Variants in VPS13B observed in about 807,000 individuals in gnomAD.
VPS13B encodes the protein vacuolar protein sorting 13 homolog B.
VPS13B carries 285 observed loss-of-function variants against 426.4 expected under a neutral mutation model. The observed-to-expected ratio is 0.67, with a 90% CI of 0.61 to 0.74. VPS13B has a LOEUF of 0.74. Among genes scored for constraint, VPS13B ranks in the 30% least tolerant of loss-of-function variants. VPS13B has a pLI of 0.00. For missense variants in VPS13B, 4,537 were observed against 4,782.6 expected, an observed-to-expected ratio of 0.95 and a Z score of 1.51; for synonymous variants, 1,676 against 1,676.4, an observed-to-expected ratio of 1.00 and a Z score of 0.01.
intron 30 of VPS13B, among the ~76,000 whole-genome samples, chr8:99,549,245 T>G (rs1330118313): frequency 2.0e-5 from 3 of 152,162 alleles, no homozygotes; most frequent in Admixed American, 6.6e-5. Context: ...ACAGATCAAA[T>G]TAGAAAATGT....
chr8:99,116,718 G>T (rs773980555), intron 7 of VPS13B, among the ~76,000 whole-genome samples: 1 of 152,162 alleles, frequency 6.6e-6, no homozygotes, highest in African/African-American at 2.4e-5. Context: ...ACAGGCATGA[G>T]CCACCATGCC....
chr8:99,710,145 G>C (rs1355519293), intron 36 of VPS13B, among the ~76,000 whole-genome samples: 1 of 152,136 alleles, frequency 6.6e-6, no homozygotes, highest in Non-Finnish European at 1.5e-5. Flanking sequence ...AAAATGTACA[G>C]GGTAATTCAT....
At chr8:99,257,698 C>T (rs1057188466) in intron 17 of VPS13B, among the ~76,000 whole-genome samples, 10 of 151,940 alleles carry the variant, frequency 6.6e-5, no homozygotes, top group African/African-American at 2.4e-4. Flanking sequence ...ACTGATTTCT[C>T]TTATTGTGTT....
At chr8:99,460,445 A>G (rs1818763224) in intron 23 of VPS13B, among the ~76,000 whole-genome samples, 1 of 152,134 alleles carries the variant, frequency 6.6e-6, no homozygotes, top group South Asian at 2.1e-4. Context: ...TGTTATAATT[A>G]TTGTTGTATA....
Position 99,834,543 on chromosome 8 carries a change from T to TA in VPS13B, c.9615-654_9615-653insA, listed in dbSNP as rs374047565. 3.5e-3 allele frequency among the ~76,000 whole-genome samples: 496 copies of TA among 142,526 alleles called. 4 individuals are homozygous for TA. Among genetic ancestry groups the TA allele is most frequent in the Non-Finnish European group, 3.1e-3 (193 of 62,454 alleles). 93.5% of individuals were successfully genotyped at this position (142,526 alleles called of 152,430 possible). On this transcript the variant is annotated intron_variant, in intron 52 of 61. Transcript: ENST00000357162. Reference sequence around the variant, plus strand: ...AGAAGGTCAGCTCTTATTTTTATTTTTTATTTTTTTTGATACAGGGTCTTG... The same window carrying TA: ...AGAAGGTCAGCTCTTATTTTTATTTTATTATTTTTTTTGATACAGGGTCTTG...
intron 16 of VPS13B, among the ~76,000 whole-genome samples, chr8:99,175,544 G>A (rs1311075879): frequency 6.6e-6 from 1 of 152,110 alleles, no homozygotes; most frequent in Non-Finnish European, 1.5e-5. Flanking sequence ...CGCTTTGGGA[G>A]GCCAAGGTGT....
At chr8:99,544,547 TTGCTTAG>T (rs1450025617) in intron 30 of VPS13B, among the ~76,000 whole-genome samples, 22 of 152,334 alleles carry the variant, frequency 1.4e-4, no homozygotes, top group African/African-American at 5.1e-4. Context: ...TTTGAAATGA[TTGCTTAG>T]TGCTTAGTCT....
chr8:99,574,556 A>G (rs1159353713), intron 31 of VPS13B, among the ~76,000 whole-genome samples: 1 of 152,214 alleles, frequency 6.6e-6, no homozygotes, highest in Middle Eastern at 3.2e-3. Context: ...CTATTGAGAT[A>G]ATCACGTGGT....
intron 19 of VPS13B, among the ~76,000 whole-genome samples, chr8:99,363,037 G>A (rs944627327): frequency 2.0e-5 from 3 of 152,078 alleles, no homozygotes; most frequent in African/African-American, 4.8e-5. Flanking sequence ...CCCCTTTGTC[G>A]ATTTTTGCTT....
At chr8:99,058,768 A>C (rs938131521) in intron 3 of VPS13B, among the ~76,000 whole-genome samples, 3 of 152,144 alleles carry the variant, frequency 2.0e-5, no homozygotes, top group Non-Finnish European at 4.4e-5. Flanking sequence ...GTGGCATTGG[A>C]GAGGTGGTGA....
chr8:99,539,295 A>G (rs1387407561), intron 30 of VPS13B, among the ~76,000 whole-genome samples: 1 of 152,232 alleles, frequency 6.6e-6, no homozygotes, highest in East Asian at 1.9e-4. Flanking sequence ...AAATATAGAT[A>G]TACAACATGT....
At chr8:99,791,571 AAC>A (rs1182740050) in intron 43 of VPS13B, among the ~76,000 whole-genome samples, 1 of 152,126 alleles carries the variant, frequency 6.6e-6, no homozygotes, top group Non-Finnish European at 1.5e-5. Flanking sequence ...TGAGAATACA[AAC>A]AGAGACTACT....
chr8:99,805,705 A>T (rs1298081572), intron 43 of VPS13B, among the ~76,000 whole-genome samples: 1 of 152,172 alleles, frequency 6.6e-6, no homozygotes, highest in East Asian at 1.9e-4. Context: ...AAAAAAAGAA[A>T]ATGTACTCTC....
chr8:99,246,969 T>C (rs1353564339), intron 17 of VPS13B, among the ~76,000 whole-genome samples: 1 of 152,218 alleles, frequency 6.6e-6, no homozygotes, highest in Non-Finnish European at 1.5e-5. Flanking sequence ...TTTGATTACC[T>C]TTCTATTTCT....
intron 16 of VPS13B, among the ~76,000 whole-genome samples, chr8:99,188,585 A>G (rs766457273): frequency 3.3e-5 from 5 of 152,172 alleles, no homozygotes; most frequent in Non-Finnish European, 1.5e-5. Flanking sequence ...TTGGGTATGT[A>G]TATACCTATG....
intron 53 of VPS13B, 59 bp from the exon 54 acceptor site, chr8:99,835,480 G>GT: frequency 6.4e-7 from 1 of 1,559,816 alleles, no homozygotes; most frequent in South Asian, 1.1e-5. Flanking sequence ...ATTATGTTCT[G>GT]TCCCCCAAGT....
rs1563573152 is a variant in VPS13B at position 99,156,624 on chromosome 8, A to G, written c.2089A>G (p.Lys697Glu). ...GCCATCCATTCGAATATTGGTGGAT[A>G]AAATTAATCTGGAACATTCAGTGCC... Reference protein sequence around the residue: ...PLPSIRILVDKINLEHSVPMY... With the variant: ...PLPSIRILVDEINLEHSVPMY... Residue 697 changes from lysine to glutamate, a missense_variant, in exon 15 of 62, where the codon AAA becomes GAA. This residue lies in a region of VPS13B where 4,311 missense variants were observed against 4,474.3 expected (regional missense o/e 0.96). Coordinates refer to ENST00000357162, the MANE Select transcript of VPS13B (RefSeq NM_152564.5). The G allele has an allele frequency of 6.2e-7, 1 of 1,614,106 alleles. No homozygotes were observed. Among genetic ancestry groups the G allele is most frequent in the Non-Finnish European group, 8.5e-7 (1 of 1,179,926 alleles).
intron 23 of VPS13B, among the ~76,000 whole-genome samples, chr8:99,464,075 T>C (rs201601964): frequency 0.065 from 9,896 of 152,228 alleles, 440 homozygotes; most frequent in African/African-American, 0.12. Flanking sequence ...TTTATGTTTG[T>C]AGTACATCTT....
chr8:99,527,741 A>G (rs531365936), intron 30 of VPS13B: 2 of 152,292 alleles, frequency 1.3e-5, no homozygotes, highest in South Asian at 2.1e-4. Context: ...GTGTTTTTTC[A>G]TAGGCTGATT....
Sources: allele counts gnomAD v4.1 joint callset (sites outside exome capture counted in the v4.1 genomes callset), GRCh38; gene constraint gnomAD v4.1.1; regional missense constraint gnomAD v4.1.1; transcripts MANE v1.5; gene names NCBI Gene and HGNC (gene_info 2026-07-23, HGNC 2026-07-21).